The following TTC24 variants were observed in gnomAD, a reference collection of about 807,000 sequenced individuals.
TTC24 encodes tetratricopeptide repeat domain 24.
Under a neutral mutation model 63.3 loss-of-function variants are expected in TTC24, and 54 were observed. The ratio of observed to expected loss-of-function variants is 0.85; its 90% CI spans 0.69 to 1.07. The LOEUF is 1.07. Among genes scored for constraint, TTC24 ranks in the 50% least tolerant of loss-of-function variants. TTC24 has a pLI of 0.00. For missense variants in TTC24, 680 were observed against 730.5 expected, an observed-to-expected ratio of 0.93 and a Z score of 0.80; for synonymous variants, 276 against 304.3, an observed-to-expected ratio of 0.91 and a Z score of 0.97.
In TTC24 at chr1:156,583,484, C is replaced by G. The variant is rs1475862600; in HGVS notation, c.1152+34C>G. 3 of 1,504,176 alleles carry G rather than the reference C, an allele frequency of 2.0e-6. No homozygotes were observed. The allele number at this position is 1,504,176 out of a possible 1,614,324, so 93.2% of individuals were successfully genotyped here. On this transcript the variant is annotated intron_variant, in intron 5 of 10. Coordinates refer to ENST00000368236, the MANE Select transcript of TTC24 (RefSeq NM_001105669.4). This position sits in a 1 kb window ranked among gnomAD's most constrained non-coding sequence, Gnocchi z 4.0. ...CCGCACACCGGAATCCACCTCTCCC[C>G]TGCTATCCCTCTTCTGGCTGACATT...
intron 6 of TTC24, 110 bp downstream of exon 6, chr1:156,584,005 C>A: frequency 1.7e-5 from 14 of 824,548 alleles, no homozygotes; most frequent in East Asian, 2.8e-5. Flanking sequence ...CTTGGCCGCT[C>A]ATCTGTGTTC....
Position 156,582,046 on chromosome 1 carries a change from A to G in TTC24, c.682A>G (p.Arg228Gly). The G allele has an allele frequency of 6.8e-7, 1 of 1,473,960 alleles. No individual in the cohort carries two copies. Among genetic ancestry groups the G allele is most frequent in the Non-Finnish European group, 9.0e-7 (1 of 1,112,710 alleles). 91.3% of individuals were successfully genotyped at this position (1,473,960 alleles called of 1,614,324 possible). A position where few individuals can be genotyped will look rare whatever the true frequency, so the allele number is the denominator to read the frequency against. The change falls in exon 2 of 11, where the codon AGG (arginine) becomes GGG (glycine). Residue 228 changes from arginine to glycine, a missense_variant. By Grantham distance (125) the Arg-to-Gly change is moderately radical. Coordinates refer to ENST00000368236, the MANE Select transcript of TTC24 (RefSeq NM_001105669.4). ...VLEKSRRLAE[R>G]STERRLLGHL... is the part of the protein sequence containing the mutation. ...GGAGAAAAGCCGGAGGCTTGCCGAG[A>G]GGAGCACTGAGAGGCGACTGCTGGG...
intron 8 of TTC24, 117 bp downstream of exon 8, chr1:156,585,348 G>T (rs1363337176): frequency 2.8e-5 from 24 of 862,856 alleles, no homozygotes; most frequent in Non-Finnish European, 3.5e-5. Flanking sequence ...CCTTCCTGTT[G>T]TCATTTCTTT....
Position 156,583,212 on chromosome 1 carries a change from G to A in TTC24, c.1039+42G>A. 6.2e-7 allele frequency: 1 copy of A among 1,610,618 alleles called. No homozygotes were observed. Among genetic ancestry groups the A allele is most frequent in the Non-Finnish European group, 8.5e-7 (1 of 1,178,334 alleles). On this transcript the variant is annotated intron_variant, in intron 4 of 10. Transcript: ENST00000368236. The surrounding 1 kb of genome is among the most constrained non-coding windows in gnomAD (Gnocchi z 4.0). ...TGGGATGTGACTGGGACAGTGGGGA[G>A]GCTGAGGGTCCTAGGGGCTGGCGGG...
Position 156,584,963 on chromosome 1 carries a change from T to A in TTC24, c.1338T>A (p.Gly446=). 1 of 1,596,346 alleles carries A rather than the reference T, an allele frequency of 6.3e-7. No homozygotes were observed. The highest frequency in any genetic ancestry group is 8.5e-7 in the Non-Finnish European group (1 of 1,171,430). ...CAAAGGCAGGAAGCAGCACAGCAGGTGTCCAGCACAGGTGAGGGTGGGAAT... is the reference window on the plus strand; with the variant it reads ...CAAAGGCAGGAAGCAGCACAGCAGGAGTCCAGCACAGGTGAGGGTGGGAAT... ...TPAKAGSSTA[G]VQHRSSSGWE... Residue 446 remains glycine (G), a synonymous_variant, in exon 7 of 11, where the codon GGT becomes GGA. Coordinates refer to ENST00000368236, the MANE Select transcript of TTC24 (RefSeq NM_001105669.4).
In TTC24 at chr1:156,583,784, A is replaced by T; in HGVS notation, c.1153-13A>T. On this transcript the variant is annotated splice_polypyrimidine_tract_variant and intron_variant, in intron 5 of 10. Coordinates refer to ENST00000368236, the MANE Select transcript of TTC24 (RefSeq NM_001105669.4). The surrounding 1 kb of genome is among the most constrained non-coding windows in gnomAD (Gnocchi z 4.0). ...GGCATTCCCCATTACCCTATTATCCACCCTCTTCCCAGAAGGAGCCAGATT... is the reference window on the plus strand; with the variant it reads ...GGCATTCCCCATTACCCTATTATCCTCCCTCTTCCCAGAAGGAGCCAGATT... 1 of 1,563,094 alleles carries T rather than the reference A, an allele frequency of 6.4e-7. No homozygotes were observed. The highest frequency in any genetic ancestry group is 1.4e-5 in the African/African-American group (1 of 71,480).
intron 1 of TTC24, among the ~76,000 whole-genome samples, chr1:156,580,961 C>T (rs1191165541): frequency 1.3e-5 from 2 of 152,176 alleles, no homozygotes; most frequent in African/African-American, 4.8e-5. Context: ...TGAGAATCTA[C>T]TGTGTGCCAG....
rs968811411 is a variant in TTC24 at position 156,583,822 on chromosome 1, G to A, written c.1178G>A (p.Arg393Gln). 1 of 1,585,988 alleles carries A rather than the reference G, an allele frequency of 6.3e-7. No homozygotes were observed. Among genetic ancestry groups the A allele is most frequent in the South Asian group, 1.2e-5 (1 of 86,448 alleles). The part of the protein sequence containing the change: ...CQKEPDSVRE[R>Q]LVAKLADTVR... ...AAGGAGCCAGATTCTGTGCGAGAAC[G>A]GCTGGTGGCCAAGCTGGCAGACACC... Residue 393 changes from arginine (R) to glutamine (Q), a missense_variant, in exon 6 of 11, where the codon CGG (arginine) becomes CAG (glutamine). Coordinates refer to ENST00000368236, the MANE Select transcript of TTC24 (RefSeq NM_001105669.4). This position sits in a 1 kb window ranked among gnomAD's most constrained non-coding sequence, Gnocchi z 4.0.
chr1:156,584,394 C>G (rs904775313), intron 6 of TTC24, among the ~76,000 whole-genome samples: 1 of 152,220 alleles, frequency 6.6e-6, no homozygotes, highest in Non-Finnish European at 1.5e-5. Flanking sequence ...CATTTTCAGA[C>G]AACCCCAGAA....
Position 156,581,511 on chromosome 1 carries a change from T to A in TTC24, c.147T>A (p.Ala49=). ...GGGCTGGCCATGGGGCCCTTCAGGC[T>A]GGCCAGAACCATGAAGCCTTGAACA... ...LTRAGHGALQ[A]GQNHEALNNF... The change falls in exon 2 of 11, where the codon GCT becomes GCA. Residue 49 remains alanine, a synonymous_variant. Coordinates refer to ENST00000368236, the MANE Select transcript of TTC24 (RefSeq NM_001105669.4). 6.4e-7 allele frequency: 1 copy of A among 1,551,250 alleles called. No homozygotes were observed. Among genetic ancestry groups the A allele is most frequent in the Non-Finnish European group, 8.7e-7 (1 of 1,146,678 alleles).
rs373452619 is a variant in TTC24 at position 156,584,923 on chromosome 1, C to G, written c.1298C>G (p.Ala433Gly). ...CAGGCTCCAGGTGGGGCCAGCCAGG[C>G]GGAGGGGACCCCAGCAAAGGCAGGA... Reference protein sequence around the residue: ...RLQAPGGASQAEGTPAKAGSS... With the variant: ...RLQAPGGASQGEGTPAKAGSS... The change falls in exon 7 of 11, where the codon GCG becomes GGG. Residue 433 changes from alanine (A) to glycine (G), a missense_variant. Physicochemically the swap from Ala to Gly is moderately conservative, Grantham distance 60. Coordinates refer to ENST00000368236, the MANE Select transcript of TTC24 (RefSeq NM_001105669.4). 6.2e-7 allele frequency: 1 copy of G among 1,603,224 alleles called. No individual in the cohort carries two copies. The highest frequency in any genetic ancestry group is 1.3e-5 in the African/African-American group (1 of 74,780).
intron 6 of TTC24, 81 bp from the exon 7 acceptor site, chr1:156,584,796 T>A: frequency 1.1e-6 from 1 of 900,918 alleles, no homozygotes; most frequent in South Asian, 2.1e-5. Context: ...CTCTATCACA[T>A]AAGTCTCTGG....
Position 156,583,126 on chromosome 1 carries a change from C to T in TTC24, c.995C>T (p.Ala332Val), listed in dbSNP as rs2102472549. The T allele has an allele frequency of 6.2e-7, 1 of 1,613,654 alleles. No homozygotes were observed. The highest frequency in any genetic ancestry group is 8.5e-7 in the Non-Finnish European group (1 of 1,179,776). The change falls in exon 4 of 11, where the codon GCC becomes GTC. Residue 332 changes from alanine to valine, a missense_variant. By Grantham distance (64) the Ala-to-Val change is moderately conservative. Transcript: ENST00000368236. This position sits in a 1 kb window ranked among gnomAD's most constrained non-coding sequence, Gnocchi z 4.0. ...ALSQLGDHKA[A>V]RDNYLHALQA... ...AGCCAGCTGGGGGACCACAAGGCTG[C>T]CAGAGACAACTACCTGCATGCCCTG...
rs1056427121 is a variant in TTC24 at position 156,584,763 on chromosome 1, A to G, written c.1252-114A>G. Reference sequence around the variant, plus strand: ...TCACCCCAGAATTGTATTCTCCGAGACAAGCGGCAGAGCCCGAATTGTCTC... The same window carrying G: ...TCACCCCAGAATTGTATTCTCCGAGGCAAGCGGCAGAGCCCGAATTGTCTC... On this transcript the variant is annotated intron_variant, in intron 6 of 10. Coordinates refer to ENST00000368236, the MANE Select transcript of TTC24 (RefSeq NM_001105669.4). 9.6e-6 allele frequency: 6 copies of G among 627,524 alleles called. No individual in the cohort carries two copies. The African/African-American group carries it at 1.1e-4, about 12-fold the overall frequency. The allele number at this position is 627,524 out of a possible 1,614,324, so 38.9% of individuals were successfully genotyped here.
At chr1:156,586,363 A>G (rs1677172877) in intron 10 of TTC24, 106 bp from the exon 11 acceptor site, 4 of 929,556 alleles carry the variant, frequency 4.3e-6, no homozygotes, top group Admixed American at 4.2e-5. Flanking sequence ...GCCCACCAGC[A>G]GAGGTAAGGG....
rs754645960 is a variant in TTC24 at position 156,585,190 on chromosome 1, C to T, written c.1415C>T (p.Ser472Leu). The T allele has an allele frequency of 3.7e-6, 6 of 1,613,372 alleles. No individual in the cohort carries two copies. The highest frequency in any genetic ancestry group is 1.3e-5 in the African/African-American group (1 of 75,002). ...EGHQKKKEER[S>L]ANVPVRAGPG... ...CACCAGAAGAAAAAAGAGGAGAGGT[C>T]GGCAAACGTTCCGGTGAGGGCTGGG... The change falls in exon 8 of 11, where the codon TCG becomes TTG. Residue 472 changes from serine to leucine, a missense_variant. Ser to Leu is a moderately radical substitution (Grantham distance 145, BLOSUM62 -2). Transcript: ENST00000368236.
chr1:156,583,769 A>G lies in TTC24; in HGVS notation c.1153-28A>G, dbSNP rs1337055750. The G allele has an allele frequency of 2.0e-6, 3 of 1,523,634 alleles. No individual in the cohort carries two copies. The highest frequency in any genetic ancestry group is 1.4e-5 in the African/African-American group (1 of 69,276). 94.4% of individuals were successfully genotyped at this position (1,523,634 alleles called of 1,614,324 possible). Reference sequence around the variant, plus strand: ...GGACCATAAGGTCCAGGCATTCCCCATTACCCTATTATCCACCCTCTTCCC... The same window carrying G: ...GGACCATAAGGTCCAGGCATTCCCCGTTACCCTATTATCCACCCTCTTCCC... On this transcript the variant is annotated intron_variant, in intron 5 of 10. Coordinates refer to ENST00000368236, the MANE Select transcript of TTC24 (RefSeq NM_001105669.4). The surrounding 1 kb of genome is among the most constrained non-coding windows in gnomAD (Gnocchi z 4.0).
In TTC24 at chr1:156,584,955, AC is replaced by A; in HGVS notation, c.1331del (p.Thr444LysfsTer34). On this transcript the variant is annotated frameshift_variant, in exon 7 of 11. Coordinates refer to ENST00000368236, the MANE Select transcript of TTC24 (RefSeq NM_001105669.4). LOFTEE classifies it high-confidence loss of function. ...GACCCCAGCAAAGGCAGGAAGCAGC[AC>A]AGCAGGTGTCCAGCACAGGTGAGGG... ...EGTPAKAGSS[T>X]AGVQHRSSSG... is the part of the protein sequence containing the mutation. 1 of 1,601,544 alleles carries A rather than the reference AC, an allele frequency of 6.2e-7. No homozygotes were observed. Among genetic ancestry groups the A allele is most frequent in the Non-Finnish European group, 8.5e-7 (1 of 1,174,064 alleles).
chr1:156,585,895 T>C (rs1406616165), intron 9 of TTC24, 54 bp from the exon 10 acceptor site: 3 of 1,582,456 alleles, frequency 1.9e-6, no homozygotes, highest in Non-Finnish European at 2.6e-6. Context: ...TCCACCATGA[T>C]AGTTCTTGGT....
Sources: allele counts gnomAD v4.1 joint callset (sites outside exome capture counted in the v4.1 genomes callset), GRCh38; gene constraint gnomAD v4.1.1; non-coding constraint Gnocchi (gnomAD v3.1); transcripts MANE v1.5; gene names NCBI Gene and HGNC (gene_info 2026-07-23, HGNC 2026-07-21).